The following IQCM variants were observed in gnomAD, a reference collection of about 807,000 sequenced individuals.
IQCM encodes IQ motif containing M.
Under a neutral mutation model 57.6 loss-of-function variants are expected in IQCM, and 45 were observed. The observed-to-expected ratio is 0.78, with a 90% CI of 0.62 to 1.00. The LOEUF (loss-of-function observed/expected upper bound fraction) is 1.00, where lower values mean the gene tolerates loss of function less well. IQCM is among the 50% of genes least tolerant of loss of function. IQCM has a pLI of 0.00. For synonymous variants in IQCM, 148 were observed against 158.9 expected, an observed-to-expected ratio of 0.93 and a Z score of 0.51; for missense variants, 468 against 511.6, an observed-to-expected ratio of 0.91 and a Z score of 0.82.
chr4:149,589,328 A>C (rs1170840370), intron 8 of IQCM, among the ~76,000 whole-genome samples: 1 of 152,048 alleles, frequency 6.6e-6, no homozygotes, highest in South Asian at 2.1e-4. Flanking sequence ...TCATGATACC[A>C]CAAGGAAAGT....
At chr4:149,381,887 A>C (rs940277862) in intron 13 of IQCM, among the ~76,000 whole-genome samples, 1 of 151,778 alleles carries the variant, frequency 6.6e-6, no homozygotes, top group African/African-American at 2.4e-5. Flanking sequence ...TGATTCTCCT[A>C]CCTCAGCTTC....
chr4:149,542,152 C>A (rs998503671), intron 12 of IQCM, among the ~76,000 whole-genome samples: 2 of 151,990 alleles, frequency 1.3e-5, no homozygotes, highest in African/African-American at 4.8e-5. Context: ...CTGGATGGAG[C>A]AATATAATTA....
At chr4:149,657,532 T>G (rs1475525790) in intron 7 of IQCM, among the ~76,000 whole-genome samples, 2 of 152,082 alleles carry the variant, frequency 1.3e-5, no homozygotes, top group African/African-American at 4.8e-5. Flanking sequence ...ACCCAGTAGT[T>G]TGATTGCTGG....
chr4:149,527,081 G>A (rs938589809), intron 12 of IQCM, among the ~76,000 whole-genome samples: 7 of 152,190 alleles, frequency 4.6e-5, no homozygotes, highest in African/African-American at 1.2e-4. Flanking sequence ...GAGAACTAAC[G>A]GGAATCAGCA....
At chr4:149,702,212 CAT>C (rs966620461) in intron 5 of IQCM, among the ~76,000 whole-genome samples, 9 of 151,830 alleles carry the variant, frequency 5.9e-5, no homozygotes, top group Admixed American at 3.9e-4. Context: ...TAATGACACA[CAT>C]GTCACCATCA....
intron 12 of IQCM, among the ~76,000 whole-genome samples, chr4:149,536,265 G>T (rs1283243047): frequency 2.0e-5 from 3 of 151,940 alleles, no homozygotes; most frequent in Non-Finnish European, 4.4e-5. Flanking sequence ...AGAATCCCAT[G>T]GGGAAAAGCA....
At chr4:149,753,348 A>G (rs1768642314) in intron 2 of IQCM, among the ~76,000 whole-genome samples, 1 of 152,194 alleles carries the variant, frequency 6.6e-6, no homozygotes, top group Non-Finnish European at 1.5e-5. Context: ...ATATAAAAAT[A>G]TGAAACAAAA....
chr4:149,735,518 T>G, intron 3 of IQCM, 60 bp from the exon 4 acceptor site: 1 of 736,356 alleles, frequency 1.4e-6, no homozygotes, highest in Non-Finnish European at 1.9e-6. Context: ...ATTTTACAAG[T>G]TGACATTATA....
At chr4:149,767,823 A>C (rs1770201362) in intron 2 of IQCM, among the ~76,000 whole-genome samples, 1 of 152,178 alleles carries the variant, frequency 6.6e-6, no homozygotes. Flanking sequence ...CCCTATGCGT[A>C]AATATTTCCT....
chr4:149,561,957 C>A (rs780630293), intron 10 of IQCM, among the ~76,000 whole-genome samples: 3 of 151,944 alleles, frequency 2.0e-5, no homozygotes, highest in Non-Finnish European at 4.4e-5. Context: ...TGGAGTTTAT[C>A]AGAAGATAAG....
intron 13 of IQCM, among the ~76,000 whole-genome samples, chr4:149,407,523 T>C (rs1733071900): frequency 6.6e-6 from 1 of 152,106 alleles, no homozygotes; most frequent in South Asian, 2.1e-4. Context: ...TCAATGTCCA[T>C]GTACCCATTG....
chr4:149,793,950 A>T (rs1772878787), intron 2 of IQCM, among the ~76,000 whole-genome samples: 1 of 152,242 alleles, frequency 6.6e-6, no homozygotes, highest in Admixed American at 6.5e-5. Context: ...AACAGAATGC[A>T]ATAGCAAAAA....
At chr4:149,537,340 A>G (rs1441244578) in intron 12 of IQCM, among the ~76,000 whole-genome samples, 2 of 151,914 alleles carry the variant, frequency 1.3e-5, no homozygotes, top group Non-Finnish European at 2.9e-5. Flanking sequence ...AAATTACAAA[A>G]TGATCTCAGC....
At chr4:149,750,601 G>A (rs969398843) in intron 2 of IQCM, among the ~76,000 whole-genome samples, 5 of 152,162 alleles carry the variant, frequency 3.3e-5, no homozygotes, top group African/African-American at 1.2e-4. Flanking sequence ...GATAATTGTG[G>A]CATGTTGTGA....
intron 12 of IQCM, among the ~76,000 whole-genome samples, chr4:149,487,011 C>T (rs574620724): frequency 6.6e-6 from 1 of 152,260 alleles, no homozygotes; most frequent in East Asian, 1.9e-4. Context: ...AAGAGTCTTT[C>T]ACCATAGACA....
intron 5 of IQCM, among the ~76,000 whole-genome samples, chr4:149,724,792 T>C (rs183722884): frequency 1.3e-5 from 2 of 152,160 alleles, no homozygotes; most frequent in Non-Finnish European, 2.9e-5. Context: ...TATTATATAG[T>C]ACTACATGGA....
chr4:149,715,954 T>C (rs2149841681), intron 5 of IQCM, among the ~76,000 whole-genome samples: 1 of 152,280 alleles, frequency 6.6e-6, no homozygotes, highest in African/African-American at 2.4e-5. Flanking sequence ...AGAAAGTGCT[T>C]ACTGATTGGT....
chr4:149,363,837 A>G (rs1270745010), intron 13 of IQCM, among the ~76,000 whole-genome samples: 2 of 152,194 alleles, frequency 1.3e-5, no homozygotes, highest in Non-Finnish European at 2.9e-5. Context: ...GGCATTCCAT[A>G]TATTCACTGC....
intron 10 of IQCM, among the ~76,000 whole-genome samples, chr4:149,562,300 G>C: frequency 6.6e-6 from 1 of 152,178 alleles, no homozygotes. Context: ...TGTAAGGGTA[G>C]ATGAATGGAA....
Sources: gnomAD v4.1 joint callset for allele counts (sites outside exome capture counted in the v4.1 genomes callset) on GRCh38, gnomAD v4.1.1 for gene constraint, MANE v1.5 for transcripts, NCBI Gene and HGNC (gene_info 2026-07-23, HGNC 2026-07-21) for gene names.